Variants in KDM1B observed in about 807,000 individuals in gnomAD.
KDM1B encodes the protein lysine demethylase 1B.
In KDM1B, 63 loss-of-function variants were observed where a neutral mutation model predicts 107.4. The ratio of observed to expected loss-of-function variants is 0.59; its 90% CI spans 0.48 to 0.72. The LOEUF (loss-of-function observed/expected upper bound fraction) is 0.72. KDM1B is among the 30% of genes least tolerant of loss of function. KDM1B has a pLI of 0.00. For synonymous variants in KDM1B, 363 were observed against 363.9 expected, an observed-to-expected ratio of 1.00 and a Z score of 0.03; for missense variants, 749 against 1,020.8, an observed-to-expected ratio of 0.73 and a Z score of 3.63.
At chr6:18,195,299 T>A (rs1266832690) in intron 10 of KDM1B, among the ~76,000 whole-genome samples, 1 of 152,210 alleles carries the variant, frequency 6.6e-6, no homozygotes, top group Non-Finnish European at 1.5e-5. Context: ...GGATTGGAAT[T>A]ACTGGGTCAT....
At position 18,197,436 on chromosome 6, in the gene KDM1B, G is replaced by A; in HGVS notation, c.1147-151G>A. The stretch of plus-strand genomic sequence containing the variant: ...AGGGAAAAAGGGAAGGGAGTAATAA[G>A]ACAAGTGCCACCACATTCTTTAGGA... On this transcript the variant is annotated intron_variant, in intron 11 of 21. Transcript: ENST00000650836. This position sits in a 1 kb window ranked among gnomAD's most constrained non-coding sequence, Gnocchi z 4.5. 2 of 778,990 alleles carry A rather than the reference G, an allele frequency of 2.6e-6. No individual in the cohort carries two copies. The highest frequency in any genetic ancestry group is 4.2e-6 in the Non-Finnish European group (2 of 471,802). 48.3% of individuals were successfully genotyped at this position (778,990 alleles called of 1,614,324 possible).
In KDM1B at chr6:18,204,083, A is replaced by G. The variant is rs1468929504; in HGVS notation, c.1532-1454A>G. ...ATCTGGAGGCCTCTTGGGCATCCGC[A>G]TGTTACAATCTAGTGCAAGAACTGA... On this transcript the variant is annotated intron_variant, in intron 14 of 21. Transcript: ENST00000650836. The surrounding 1 kb of genome is among the most constrained non-coding windows in gnomAD (Gnocchi z 4.9). Among the ~76,000 whole-genome samples, 2 of 152,116 alleles carry G rather than the reference A, an allele frequency of 1.3e-5. No individual in the cohort carries two copies. Among genetic ancestry groups the G allele is most frequent in the Non-Finnish European group, 2.9e-5 (2 of 68,028 alleles).
intron 21 of KDM1B, among the ~76,000 whole-genome samples, chr6:18,221,474 C>T (rs1225084900): frequency 1.3e-5 from 2 of 151,640 alleles, no homozygotes; most frequent in African/African-American, 2.4e-5. Flanking sequence ...ATTGAACTTA[C>T]GGTCCCTGGT....
chr6:18,188,891 C>G (rs778340056), intron 9 of KDM1B, among the ~76,000 whole-genome samples: 1 of 151,820 alleles, frequency 6.6e-6, no homozygotes, highest in Non-Finnish European at 1.5e-5. Context: ...TCAAGCGATT[C>G]TCCTGCCTCA....
intron 21 of KDM1B, among the ~76,000 whole-genome samples, chr6:18,221,603 G>A (rs1789750385): frequency 6.6e-6 from 1 of 152,146 alleles, no homozygotes; most frequent in South Asian, 2.1e-4. Context: ...GATTGTACCA[G>A]CTACATTACT....
chr6:18,197,134 G>C lies in KDM1B; in HGVS notation c.1047G>C (p.Val349=). The part of the protein sequence containing the change: ...GLVRIRCVQE[V]ERILYFMTRK... ...TGCGTATTCGATGCGTTCAGGAAGT[G>C]GAGAGAATACTGTATTTTATGACCA... The change falls in exon 11 of 22, where the codon GTG becomes GTC. Residue 349 remains valine (V), a synonymous_variant. Transcript: ENST00000650836. The surrounding 1 kb of genome is among the most constrained non-coding windows in gnomAD (Gnocchi z 4.5). 1.2e-6 allele frequency: 2 copies of C among 1,614,070 alleles called. No individual in the cohort carries two copies. The highest frequency in any genetic ancestry group is 1.7e-6 in the Non-Finnish European group (2 of 1,179,988).
In KDM1B at chr6:18,179,374, C is replaced by T. The variant is rs142303342; in HGVS notation, c.535-6398C>T. Among the ~76,000 whole-genome samples the T allele has an allele frequency of 1.5e-4, 23 of 152,204 alleles. No individual in the cohort carries two copies. The East Asian group carries it at 3.5e-3, about 23-fold the overall frequency. ...CTTTCCTTTCTTGTAATAACCTTGT[C>T]GGGTTCTGCTTTCAGAGTTATGCTG... On this transcript the variant is annotated intron_variant, in intron 7 of 21. Transcript: ENST00000650836.
chr6:18,197,678 A>C lies in KDM1B; in HGVS notation c.1221+17A>C. On this transcript the variant is annotated intron_variant, in intron 12 of 21. Transcript: ENST00000650836. This position sits in a 1 kb window ranked among gnomAD's most constrained non-coding sequence, Gnocchi z 4.5. The stretch of plus-strand genomic sequence containing the variant: ...GGAATTAAGGTAGGATTTTGGGGAC[A>C]TGGAGTTAGAACAGATGGTTGACTG... The C allele has an allele frequency of 6.2e-7, 1 of 1,602,586 alleles. No individual in the cohort carries two copies. Among genetic ancestry groups the C allele is most frequent in the Non-Finnish European group, 8.5e-7 (1 of 1,169,740 alleles).
chr6:18,219,585 A>C (rs1252086368), intron 21 of KDM1B, among the ~76,000 whole-genome samples: 3 of 152,212 alleles, frequency 2.0e-5, no homozygotes, highest in Admixed American at 6.5e-5. Flanking sequence ...TAAGGTTTTA[A>C]AGCTTTGGAT....
At chr6:18,218,889 ATTATT>A (rs1333823733) in intron 21 of KDM1B, among the ~76,000 whole-genome samples, 2 of 151,804 alleles carry the variant, frequency 1.3e-5, no homozygotes, top group Admixed American at 6.6e-5. Context: ...ATTTAATTTA[ATTATT>A]TTATTTTAAA....
chr6:18,190,684 T>C (rs1383387292), intron 9 of KDM1B, among the ~76,000 whole-genome samples: 1 of 152,144 alleles, frequency 6.6e-6, no homozygotes, highest in Non-Finnish European at 1.5e-5. Context: ...GCAGATCACT[T>C]GAGGCCAGTA....
chr6:18,167,225 C>T (rs996319196), intron 6 of KDM1B, among the ~76,000 whole-genome samples: 19 of 151,528 alleles, frequency 1.3e-4, no homozygotes, highest in African/African-American at 3.6e-4. Flanking sequence ...GGCGTGGTGG[C>T]GCGCGCCTGT....
chr6:18,220,404 C>G (rs1294363909), intron 21 of KDM1B, among the ~76,000 whole-genome samples: 2 of 152,118 alleles, frequency 1.3e-5, no homozygotes, highest in Non-Finnish European at 2.9e-5. Flanking sequence ...CAAAAATCAG[C>G]TGGGCATGGT....
rs369714077 is a variant in KDM1B at position 18,179,836 on chromosome 6, A to ACTAGATATTTTTTCTTTTTTTTTTTTTTT, written c.535-5936_535-5935insCTAGATATTTTTTCTTTTTTTTTTTTTTT. Among the ~76,000 whole-genome samples, 32 of 83,518 alleles carry ACTAGATATTTTTTCTTTTTTTTTTTTTTT rather than the reference A, an allele frequency of 3.8e-4. 16 individuals are homozygous for ACTAGATATTTTTTCTTTTTTTTTTTTTTT. Among genetic ancestry groups the ACTAGATATTTTTTCTTTTTTTTTTTTTTT allele is most frequent in the African/African-American group, 9.9e-4 (20 of 20,304 alleles). The allele number at this position is 83,518 out of a possible 152,430, so 54.8% of individuals were successfully genotyped here. A position where few individuals can be genotyped will look rare whatever the true frequency, so the allele number is the denominator to read the frequency against. ...CTATTCCAAAATCTTTCAATTTAGC[A>ACTAGATATTTTTTCTTTTTTTTTTTTTTT]TTGGTTTTTTTTCCTTTTTTTTTTT... On this transcript the variant is annotated intron_variant, in intron 7 of 21. Transcript: ENST00000650836.
intron 7 of KDM1B, 129 bp from the exon 8 acceptor site, chr6:18,185,643 A>T: frequency 4.8e-6 from 4 of 830,408 alleles, no homozygotes; most frequent in Non-Finnish European, 6.2e-6. Flanking sequence ...TGATTTATAC[A>T]TTGTTTCATA....
At chr6:18,208,603 G>GTATATATATATGTATATATATATA (rs1554149813) in intron 17 of KDM1B, among the ~76,000 whole-genome samples, 2 of 34,896 alleles carry the variant, frequency 5.7e-5, no homozygotes, top group Non-Finnish European at 9.6e-5. Context: ...GTATGTGTAT[G>GTATATATATATGTATATATATATA]TATATATATA....
intron 10 of KDM1B, among the ~76,000 whole-genome samples, chr6:18,192,465 T>A (rs1012022459): frequency 6.6e-6 from 1 of 152,232 alleles, no homozygotes; most frequent in Non-Finnish European, 1.5e-5. Flanking sequence ...AAGTTATGGC[T>A]GTTAATGCAA....
intron 7 of KDM1B, among the ~76,000 whole-genome samples, chr6:18,183,372 A>T (rs1336452025): frequency 2.1e-5 from 3 of 145,022 alleles, no homozygotes; most frequent in Non-Finnish European, 3.0e-5. Context: ...GGTTCAAACG[A>T]TTCTCCTGCC....
rs1786974400 is a variant in KDM1B at position 18,187,775 on chromosome 6, TG to T, written c.574-16del. 1 of 1,494,584 alleles carries T rather than the reference TG, an allele frequency of 6.7e-7. No homozygotes were observed. The highest frequency in any genetic ancestry group is 2.0e-5 in the Admixed American group (1 of 50,950). 92.6% of individuals were successfully genotyped at this position (1,494,584 alleles called of 1,614,324 possible). On this transcript the variant is annotated splice_polypyrimidine_tract_variant and intron_variant, in intron 8 of 21. Transcript: ENST00000650836. ...TGTCTGTCCTTGTCTCTCTTCTTCC[TG>T]TCTGGCCCATTGCAGAGAGTATTGG... is the stretch of plus-strand genomic sequence containing the variant.
Sources: allele counts gnomAD v4.1 joint callset (sites outside exome capture counted in the v4.1 genomes callset), GRCh38; gene constraint gnomAD v4.1.1; non-coding constraint Gnocchi (gnomAD v3.1); transcripts MANE v1.5; gene names NCBI Gene and HGNC (gene_info 2026-07-23, HGNC 2026-07-21).